Variants in NPAS3 observed in about 807,000 individuals in gnomAD.
The protein encoded by NPAS3 is neuronal PAS domain-containing protein 3.
In NPAS3, 14 loss-of-function variants were observed where a neutral mutation model predicts 73.1. The observed-to-expected ratio is 0.19, with a 90% CI of 0.13 to 0.30. The LOEUF is 0.30. Among genes scored for constraint, NPAS3 ranks in the 10% least tolerant of loss-of-function variants. NPAS3 has a pLI of 1.00. For synonymous variants in NPAS3, 620 were observed against 541.5 expected, an observed-to-expected ratio of 1.14 and a Z score of -2.01; for missense variants, 1,096 against 1,250.0, an observed-to-expected ratio of 0.88 and a Z score of 1.86.
chr14:32,971,374 C>G (rs1236888681), intron 1 of NPAS3, among the ~76,000 whole-genome samples: 1 of 152,236 alleles, frequency 6.6e-6, no homozygotes, highest in East Asian at 1.9e-4. Flanking sequence ...TGTGAGCCAC[C>G]ACGCCTGGCC....
intron 4 of NPAS3, among the ~76,000 whole-genome samples, chr14:33,402,255 C>T (rs1382237464): frequency 6.6e-6 from 1 of 152,034 alleles, no homozygotes; most frequent in East Asian, 1.9e-4. Flanking sequence ...TCTTCAGAGG[C>T]ATTTTTCAAT....
chr14:33,248,963 A>G (rs1474341310), intron 3 of NPAS3, among the ~76,000 whole-genome samples: 1 of 152,106 alleles, frequency 6.6e-6, no homozygotes, highest in African/African-American at 2.4e-5. Context: ...CTCCTGTTTC[A>G]GGAGTTGGGT....
intron 4 of NPAS3, among the ~76,000 whole-genome samples, chr14:33,407,087 G>A (rs2047700510): frequency 6.6e-6 from 1 of 152,138 alleles, no homozygotes; most frequent in African/African-American, 2.4e-5. Flanking sequence ...CAAATTATCT[G>A]TGGTTGCTAA....
At chr14:33,022,011 G>C (rs375629556) in intron 1 of NPAS3, among the ~76,000 whole-genome samples, 1 of 152,188 alleles carries the variant, frequency 6.6e-6, no homozygotes, top group Non-Finnish European at 1.5e-5. Context: ...GAAGTCGCAG[G>C]CTGGACATTC....
chr14:32,968,188 A>G (rs1224700263), intron 1 of NPAS3, among the ~76,000 whole-genome samples: 3 of 152,152 alleles, frequency 2.0e-5, no homozygotes, highest in Non-Finnish European at 4.4e-5. Context: ...TACAGTCAAT[A>G]ATAATGTATT....
intron 7 of NPAS3, among the ~76,000 whole-genome samples, chr14:33,741,457 T>C (rs1441185699): frequency 3.3e-5 from 5 of 152,188 alleles, no homozygotes; most frequent in Non-Finnish European, 7.4e-5. Context: ...GTTATCCTGA[T>C]GAAAAATGCA....
At chr14:33,742,100 G>A (rs2061669651) in intron 7 of NPAS3, among the ~76,000 whole-genome samples, 1 of 152,038 alleles carries the variant, frequency 6.6e-6, no homozygotes, top group Middle Eastern at 3.2e-3. Flanking sequence ...TCACTATTAT[G>A]AGACTTTGGC....
chr14:33,263,195 A>T (rs2049037557), intron 3 of NPAS3, among the ~76,000 whole-genome samples: 1 of 152,186 alleles, frequency 6.6e-6, no homozygotes, highest in Admixed American at 6.5e-5. Flanking sequence ...GTCCTTGCCC[A>T]TGCCTGTGTC....
intron 9 of NPAS3, among the ~76,000 whole-genome samples, chr14:33,787,763 A>G (rs1239854430): frequency 6.6e-6 from 1 of 152,218 alleles, no homozygotes; most frequent in Admixed American, 6.5e-5. Context: ...CGAGTAAATA[A>G]AGCACTTAAT....
chr14:33,271,030 T>C (rs2041051800), intron 3 of NPAS3, among the ~76,000 whole-genome samples: 1 of 152,224 alleles, frequency 6.6e-6, no homozygotes, highest in Non-Finnish European at 1.5e-5. Context: ...TAGATGACTA[T>C]GGGAACCTTT....
chr14:33,365,163 C>T lies in NPAS3; in HGVS notation c.386-2023C>T, dbSNP rs114201832. Among the ~76,000 whole-genome samples the T allele has an allele frequency of 8.1e-3, 1,145 of 141,144 alleles. 15 individuals carry two copies. Among genetic ancestry groups the T allele is most frequent in the African/African-American group, 0.029 (1,059 of 36,120 alleles). The allele number at this position is 141,144 out of a possible 152,430, so 92.6% of individuals were successfully genotyped here. ...CACTTGAGAAGTTTTTCAACTCCCCCGCTTCTCCCTCCCAAAAGCCACCCA... is the reference window on the plus strand; with the variant it reads ...CACTTGAGAAGTTTTTCAACTCCCCTGCTTCTCCCTCCCAAAAGCCACCCA... On this transcript the variant is annotated intron_variant, in intron 3 of 11. Coordinates refer to ENST00000356141, the Ensembl canonical transcript of NPAS3.
intron 2 of NPAS3, among the ~76,000 whole-genome samples, chr14:33,169,024 A>G (rs2045283080): frequency 6.6e-6 from 1 of 152,240 alleles, no homozygotes; most frequent in African/African-American, 2.4e-5. Flanking sequence ...AATCTACAGT[A>G]GAACACTTCA....
chr14:33,640,260 C>T (rs2058642048), intron 5 of NPAS3, among the ~76,000 whole-genome samples: 1 of 151,978 alleles, frequency 6.6e-6, no homozygotes, highest in Non-Finnish European at 1.5e-5. Context: ...TCTTCTTGCT[C>T]CCTAGAGAAA....
At chr14:33,778,623 T>G in intron 9 of NPAS3, 51 bp downstream of exon 9, 4 of 1,244,926 alleles carry the variant, frequency 3.2e-6, no homozygotes, top group African/African-American at 1.5e-5. Flanking sequence ...CAGCAATCTC[T>G]GAGGCTTGTT....
At chr14:32,952,923 T>C (rs1222015783) in intron 1 of NPAS3, among the ~76,000 whole-genome samples, 1 of 151,614 alleles carries the variant, frequency 6.6e-6, no homozygotes, top group Admixed American at 6.6e-5. Flanking sequence ...AAAATAACAT[T>C]AGCCAGGCTT....
chr14:33,624,539 GC>G (rs2058168924), intron 5 of NPAS3, among the ~76,000 whole-genome samples: 1 of 150,128 alleles, frequency 6.7e-6, no homozygotes, highest in African/African-American at 2.4e-5. Flanking sequence ...GGTTTAGAAT[GC>G]CCCCAAAGCA....
intron 3 of NPAS3, among the ~76,000 whole-genome samples, chr14:33,342,418 T>C (rs922064578): frequency 6.6e-6 from 1 of 152,222 alleles, no homozygotes; most frequent in Non-Finnish European, 1.5e-5. Flanking sequence ...TTGCATCTGT[T>C]CCTGGAGCAA....
At chr14:33,543,976 T>TCAGGA (rs2054646491) in intron 4 of NPAS3, among the ~76,000 whole-genome samples, 2 of 35,830 alleles carry the variant, frequency 5.6e-5, no homozygotes, top group African/African-American at 5.0e-4. Flanking sequence ...TATATATATA[T>TCAGGA]ATATATATAT....
At chr14:33,699,707 G>T (rs893717576) in intron 6 of NPAS3, among the ~76,000 whole-genome samples, 1 of 152,100 alleles carries the variant, frequency 6.6e-6, no homozygotes, top group African/African-American at 2.4e-5. Context: ...CAGCAGAACA[G>T]GGTTATTAAA....
Sources: allele counts gnomAD v4.1 joint callset (sites outside exome capture counted in the v4.1 genomes callset), GRCh38; gene constraint gnomAD v4.1.1; transcripts MANE v1.5; gene names NCBI Gene and HGNC (gene_info 2026-07-23, HGNC 2026-07-21).